TCF4: variants seen among roughly 807,000 people sequenced by gnomAD.
TCF4 encodes the protein transcription factor 4.
TCF4 carries 3 observed loss-of-function variants against 82.1 expected under a neutral mutation model. That is an observed-to-expected ratio of 0.04 (90% CI 0.02 to 0.09). The LOEUF is 0.09. TCF4 is among the 10% of genes least tolerant of loss of function. The pLI, the probability that TCF4 is intolerant of heterozygous loss-of-function variation, is 1.00. For synonymous variants in TCF4, 276 were observed against 309.6 expected (o/e 0.89, Z 1.14); for missense variants, 518 against 852.7 (o/e 0.61, Z 4.89).
intron 15 of TCF4, among the ~76,000 whole-genome samples, chr18:55,244,962 G>T (rs2052576161): frequency 6.6e-6 from 1 of 152,206 alleles, no homozygotes; most frequent in Admixed American, 6.5e-5. Flanking sequence ...TGTGGCTATT[G>T]TATCAGGACA....
chr18:55,263,092 C>T (rs190497833), intron 11 of TCF4, among the ~76,000 whole-genome samples: 2 of 152,264 alleles, frequency 1.3e-5, no homozygotes, highest in African/African-American at 4.8e-5. Flanking sequence ...GACTGAGTCA[C>T]GGTGCCCAGC....
chr18:55,259,361 T>A (rs1208818499), intron 13 of TCF4, among the ~76,000 whole-genome samples: 1 of 152,156 alleles, frequency 6.6e-6, no homozygotes, highest in Non-Finnish European at 1.5e-5. Context: ...CTGACATAAT[T>A]CTACAAATTA....
At chr18:55,386,035 C>T (rs926938723) in intron 6 of TCF4, among the ~76,000 whole-genome samples, 1 of 152,140 alleles carries the variant, frequency 6.6e-6, no homozygotes, top group African/African-American at 2.4e-5. Flanking sequence ...TGGAGTAGTG[C>T]CAGAACAGAG....
At chr18:55,275,336 G>T (rs1217751818) in intron 10 of TCF4, among the ~76,000 whole-genome samples, 1 of 145,552 alleles carries the variant, frequency 6.9e-6, no homozygotes, top group Non-Finnish European at 1.5e-5. Flanking sequence ...AACTTAAATA[G>T]GTATCTATTT....
rs599550 is a variant in TCF4 at position 55,585,157 on chromosome 18, G to A, written c.145+123C>T. ...ACCACTGATGGGTAATGCAATAACC[G>A]TATGATTACAGGCTAAAATTCAATG... is the stretch of plus-strand genomic sequence containing the variant. On this transcript the variant is annotated intron_variant, in intron 3 of 19. Transcript: ENST00000354452. The A allele has an allele frequency of 0.88, 754,429 of 861,518 alleles. 331,435 individuals are homozygous for A. The highest frequency in any genetic ancestry group is 1 in the East Asian group (41,098 of 41,120). The allele number at this position is 861,518 out of a possible 1,614,324, so 53.4% of individuals were successfully genotyped here. A position where few individuals can be genotyped will look rare whatever the true frequency, so the allele number is the denominator to read the frequency against.
intron 3 of TCF4, among the ~76,000 whole-genome samples, chr18:55,467,255 T>C (rs1342807077): frequency 6.6e-6 from 1 of 152,154 alleles, no homozygotes; most frequent in African/African-American, 2.4e-5. Flanking sequence ...TACTTTGAAG[T>C]CATTTTCTTC....
intron 8 of TCF4, among the ~76,000 whole-genome samples, chr18:55,346,167 A>G (rs2081132424): frequency 1.3e-5 from 2 of 152,172 alleles, no homozygotes; most frequent in South Asian, 4.1e-4. Context: ...GATACCCCTA[A>G]TAATTGCTTC....
At chr18:55,506,217 A>C (rs2096757816) in intron 3 of TCF4, among the ~76,000 whole-genome samples, 1 of 152,204 alleles carries the variant, frequency 6.6e-6, no homozygotes, top group Non-Finnish European at 1.5e-5. Flanking sequence ...TGCAGTGGAA[A>C]TCAAACAGCA....
At chr18:55,426,688 CA>C (rs1318336654) in intron 5 of TCF4, among the ~76,000 whole-genome samples, 1 of 152,116 alleles carries the variant, frequency 6.6e-6, no homozygotes, top group Non-Finnish European at 1.5e-5. Context: ...CATGTAAGTA[CA>C]AAAACTTTTC....
At chr18:55,447,175 G>A (rs1037811200) in intron 5 of TCF4, among the ~76,000 whole-genome samples, 1 of 152,000 alleles carries the variant, frequency 6.6e-6, no homozygotes, top group Admixed American at 6.6e-5. Context: ...GCCAGGTGTG[G>A]TGGCACGTGC....
At chr18:55,251,165 C>A (rs2054952011) in intron 15 of TCF4, among the ~76,000 whole-genome samples, 1 of 152,060 alleles carries the variant, frequency 6.6e-6, no homozygotes, top group Non-Finnish European at 1.5e-5. Context: ...TGGTAATAGG[C>A]TTCAAATGCT....
chr18:55,563,091 C>T (rs1307687329), intron 3 of TCF4, among the ~76,000 whole-genome samples: 1 of 151,808 alleles, frequency 6.6e-6, no homozygotes, highest in Admixed American at 6.6e-5. Context: ...ATACAAAAAT[C>T]AGCCAGCTGT....
intron 8 of TCF4, among the ~76,000 whole-genome samples, chr18:55,293,963 T>TTTTTTTTTTTTA (rs11444091): frequency 7.1e-6 from 1 of 139,958 alleles, no homozygotes; most frequent in Non-Finnish European, 1.5e-5. Context: ...TTTTTTTTTT[T>TTTTTTTTTTTTA]AGAATTCATA....
chr18:55,291,423 T>G (rs895690635), intron 8 of TCF4, among the ~76,000 whole-genome samples: 2 of 152,166 alleles, frequency 1.3e-5, no homozygotes, highest in African/African-American at 4.8e-5. Flanking sequence ...TTATGAACAG[T>G]GAGTTTCCAA....
At chr18:55,575,547 A>G (rs1603624068) in intron 3 of TCF4, among the ~76,000 whole-genome samples, 1 of 152,204 alleles carries the variant, frequency 6.6e-6, no homozygotes, top group East Asian at 1.9e-4. Flanking sequence ...AATCTTTTAC[A>G]TGAGTCTAGA....
At chr18:55,631,054 T>TC (rs914561542) in intron 2 of TCF4, among the ~76,000 whole-genome samples, 1 of 151,008 alleles carries the variant, frequency 6.6e-6, no homozygotes, top group Non-Finnish European at 1.5e-5. Flanking sequence ...GCAATGGGTT[T>TC]TTTTTTTTTT....
chr18:55,322,437 A>C (rs1244697913), intron 8 of TCF4: 18 of 1,007,132 alleles, frequency 1.8e-5, no homozygotes, highest in Middle Eastern at 4.8e-4. Flanking sequence ...AAAAAAAAAA[A>C]AAAAAAAAAA....
At chr18:55,338,023 A>C (rs1449778625) in intron 8 of TCF4, among the ~76,000 whole-genome samples, 3 of 152,002 alleles carry the variant, frequency 2.0e-5, no homozygotes, top group African/African-American at 7.2e-5. Context: ...TAAAAAAAAA[A>C]ATCACCATCA....
rs372770124 is a variant in TCF4, at chr18:55,464,060, G to C, written c.207+16C>G. ...TGGGATGTCTGGTTGTGGGAGAAAAGATTAGATATACTTACCCTGGACGGG... is the reference window on the plus strand; with the variant it reads ...TGGGATGTCTGGTTGTGGGAGAAAACATTAGATATACTTACCCTGGACGGG... On this transcript the variant is annotated intron_variant, in intron 4 of 19. Transcript: ENST00000354452. The C allele has an allele frequency of 6.1e-5, 99 of 1,612,736 alleles. No homozygotes were observed. Among genetic ancestry groups the C allele is most frequent in the Non-Finnish European group, 7.7e-5 (91 of 1,179,146 alleles).
Sources: allele counts gnomAD v4.1 joint callset (sites outside exome capture counted in the v4.1 genomes callset), GRCh38; gene constraint gnomAD v4.1.1; transcripts MANE v1.5; gene names NCBI Gene and HGNC (gene_info 2026-07-23, HGNC 2026-07-21).